The following UNC13C variants were observed in gnomAD, a reference collection of about 807,000 sequenced individuals.
UNC13C encodes protein unc-13 homolog C.
Under a neutral mutation model 245.4 loss-of-function variants are expected in UNC13C, and 174 were observed. That is an observed-to-expected ratio of 0.71 (90% CI 0.63 to 0.80). The LOEUF is 0.80. Ranked by LOEUF, UNC13C falls within the 30% of genes least tolerant of loss-of-function variation. The pLI, the probability that UNC13C is intolerant of heterozygous loss-of-function variation, is 0.00. For missense variants in UNC13C, 2,829 were observed against 2,602.9 expected, an observed-to-expected ratio of 1.09 and a Z score of -1.89; for synonymous variants, 992 against 895.1, an observed-to-expected ratio of 1.11 and a Z score of -1.93.
At chr15:54,128,078 A>G (rs936841226) in intron 2 of UNC13C, among the ~76,000 whole-genome samples, 1 of 152,128 alleles carries the variant, frequency 6.6e-6, no homozygotes, top group African/African-American at 2.4e-5. Context: ...GTCTCAGGAT[A>G]TAAAATCAGT....
chr15:54,041,470 A>T (rs1184878940), intron 2 of UNC13C, among the ~76,000 whole-genome samples: 2 of 152,244 alleles, frequency 1.3e-5, no homozygotes, highest in Non-Finnish European at 2.9e-5. Flanking sequence ...TCAGAGAGAT[A>T]CATAAGAAAT....
At chr15:54,563,404 C>G (rs891627638) in intron 29 of UNC13C, among the ~76,000 whole-genome samples, 7 of 151,976 alleles carry the variant, frequency 4.6e-5, no homozygotes, top group African/African-American at 1.7e-4. Context: ...GTTACAAATT[C>G]TTTTCTTCAA....
intron 19 of UNC13C, among the ~76,000 whole-genome samples, chr15:54,454,140 A>AT (rs1245633974): frequency 0.23 from 34,471 of 150,478 alleles, 4,061 homozygotes; most frequent in African/African-American, 0.28. Flanking sequence ...TATATATATA[A>AT]AATACAATTT....
chr15:53,931,058 CTGTCGAA>C, the UNC13C span, among the ~76,000 whole-genome samples: 1 of 152,214 alleles, frequency 6.6e-6, no homozygotes, highest in Non-Finnish European at 1.5e-5. Context: ...CAGTTGACAA[CTGTCGAA>C]TGCCATTCAA....
chr15:53,855,551 A>C, the UNC13C span, among the ~76,000 whole-genome samples: 1 of 152,198 alleles, frequency 6.6e-6, no homozygotes, highest in East Asian at 1.9e-4. Context: ...TATTGAGATT[A>C]TCATATGGTT....
At chr15:54,130,635 T>G (rs1049621408) in intron 2 of UNC13C, among the ~76,000 whole-genome samples, 1 of 152,100 alleles carries the variant, frequency 6.6e-6, no homozygotes, top group Non-Finnish European at 1.5e-5. Context: ...AGAATAAATA[T>G]ATTTCTGTTT....
intron 17 of UNC13C, among the ~76,000 whole-genome samples, chr15:54,367,404 C>T (rs2039388661): frequency 6.6e-6 from 1 of 152,108 alleles, no homozygotes; most frequent in Admixed American, 6.6e-5. Flanking sequence ...TTCTCCCCAC[C>T]CTTAATTCCT....
At chr15:53,943,492 T>C in the UNC13C span, among the ~76,000 whole-genome samples, 4 of 152,158 alleles carry the variant, frequency 2.6e-5, no homozygotes, top group African/African-American at 7.2e-5. Context: ...TCTTTTATTT[T>C]GAGAGGGATT....
At chr15:54,229,374 T>C (rs1876865794) in intron 4 of UNC13C, among the ~76,000 whole-genome samples, 1 of 152,220 alleles carries the variant, frequency 6.6e-6, no homozygotes, top group Admixed American at 6.5e-5. Context: ...TGGATGCTTG[T>C]TCAATTTGGT....
At chr15:54,330,296 T>G (rs2038405593) in intron 14 of UNC13C, among the ~76,000 whole-genome samples, 1 of 152,098 alleles carries the variant, frequency 6.6e-6, no homozygotes, top group South Asian at 2.1e-4. Context: ...GCTGGGTCTA[T>G]TTGATTTAAT....
rs138948774 is a variant in UNC13C, at chr15:54,345,075, C to G, written c.4713+6586C>G. 3.3e-5 allele frequency among the ~76,000 whole-genome samples: 5 copies of G among 152,300 alleles called. 2 individuals carry two copies. The highest frequency in any genetic ancestry group is 1.2e-4 in the African/African-American group (5 of 41,566). ...ACATGATCTGGCCTATGTTACGCTT[C>G]TCACCCCTCTTACTCTAATGCTGTC... is the stretch of plus-strand genomic sequence containing the variant. On this transcript the variant is annotated intron_variant, in intron 17 of 32. Transcript: ENST00000260323.
chr15:54,553,323 A>AT (rs1490703220), intron 28 of UNC13C, among the ~76,000 whole-genome samples: 1 of 119,614 alleles, frequency 8.4e-6, no homozygotes, highest in Non-Finnish European at 1.6e-5. Flanking sequence ...AGAATATTAT[A>AT]TATAATATAT....
At chr15:54,235,987 C>CA (rs1191553230) in intron 5 of UNC13C, among the ~76,000 whole-genome samples, 2 of 148,730 alleles carry the variant, frequency 1.3e-5, no homozygotes, top group Admixed American at 1.3e-4. Context: ...TTGATAAATG[C>CA]AAAAAATTGA....
Position 54,448,399 on chromosome 15 carries a change from T to G in UNC13C, c.4933+33332T>G, listed in dbSNP as rs112824226. Among the ~76,000 whole-genome samples, 768 of 152,222 alleles carry G rather than the reference T, an allele frequency of 5.0e-3. 6 individuals carry two copies. Among genetic ancestry groups the G allele is most frequent in the African/African-American group, 0.017 (717 of 41,538 alleles). ...TGTTAAAGTTTCCCATTATTATTGT[T>G]TGGGAGTCTAAGTCTCTTTGTAGGT... On this transcript the variant is annotated intron_variant, in intron 19 of 32. Coordinates refer to ENST00000260323, the MANE Select transcript of UNC13C (RefSeq NM_001080534.3).
At chr15:53,904,067 G>T in the UNC13C span, among the ~76,000 whole-genome samples, 1 of 152,128 alleles carries the variant, frequency 6.6e-6, no homozygotes, top group African/African-American at 2.4e-5. Flanking sequence ...TGGTTGGCTG[G>T]CTTATTGATT....
chr15:54,125,581 A>C (rs1381696269), intron 2 of UNC13C, among the ~76,000 whole-genome samples: 1 of 152,184 alleles, frequency 6.6e-6, no homozygotes, highest in Admixed American at 6.6e-5. Context: ...AACGTGGTAC[A>C]TCTCTTCATC....
Position 54,301,098 on chromosome 15 carries a change from A to G in UNC13C, c.4268+725A>G, listed in dbSNP as rs1403911222. On this transcript the variant is annotated intron_variant, in intron 13 of 32. Coordinates refer to ENST00000260323, the MANE Select transcript of UNC13C (RefSeq NM_001080534.3). ...CCTTTTTGAGACCTGGTCTAATTTT[A>G]TAAGTGCATATGGTTCAGATATATA... Among the ~76,000 whole-genome samples the G allele has an allele frequency of 3.3e-5, 5 of 152,118 alleles. No individual in the cohort carries two copies. In the East Asian group the frequency reaches 5.8e-4, roughly 18 times the overall value.
chr15:54,014,187 G>C lies in UNC13C; in HGVS notation c.1284G>C (p.Glu428Asp). 2 of 1,613,874 alleles carry C rather than the reference G, an allele frequency of 1.2e-6. No individual in the cohort carries two copies. The highest frequency in any genetic ancestry group is 1.7e-6 in the Non-Finnish European group (2 of 1,179,838). ...GGATACCATCCTCCCAGACATATGA[G>C]AGCATGGCTATAAAGTTGTCTACTC... ...EKGIPSSQTY[E>D]SMAIKLSTPE... The change falls in exon 2 of 33, where the codon GAG (glutamate) becomes GAC (aspartate). Residue 428 changes from glutamate (E) to aspartate (D), a missense_variant. Physicochemically the swap from Glu to Asp is conservative, Grantham distance 45 (BLOSUM62 2). Coordinates refer to ENST00000260323, the MANE Select transcript of UNC13C (RefSeq NM_001080534.3).
At chr15:54,289,648 G>A (rs1374870822) in intron 10 of UNC13C, among the ~76,000 whole-genome samples, 1 of 152,070 alleles carries the variant, frequency 6.6e-6, no homozygotes, top group Non-Finnish European at 1.5e-5. Flanking sequence ...TGACTGTAGA[G>A]GTTAAAGTAC....
Sources: allele counts gnomAD v4.1 joint callset (sites outside exome capture counted in the v4.1 genomes callset), GRCh38; gene constraint gnomAD v4.1.1; transcripts MANE v1.5; gene names NCBI Gene and HGNC (gene_info 2026-07-23, HGNC 2026-07-21).